Variants in LRRC37B observed in about 807,000 individuals in gnomAD.
LRRC37B encodes leucine-rich repeat-containing protein 37B.
LRRC37B carries 28 observed loss-of-function variants against 98.3 expected under a neutral mutation model. The ratio of observed to expected loss-of-function variants is 0.28; its 90% CI spans 0.21 to 0.39. The LOEUF (loss-of-function observed/expected upper bound fraction) is 0.39, where lower values mean the gene tolerates loss of function less well. Among genes scored for constraint, LRRC37B ranks in the 10% least tolerant of loss-of-function variants. The probability of loss-of-function intolerance (pLI) is 1.00; values close to 1 mark genes in which losing one functional copy is unlikely to be tolerated. For synonymous variants in LRRC37B, 364 were observed against 442.7 expected, an observed-to-expected ratio of 0.82 and a Z score of 2.23; for missense variants, 938 against 1,182.7, an observed-to-expected ratio of 0.79 and a Z score of 3.03.
intron 7 of LRRC37B, chr17:32,041,888 T>C (rs1221620559): frequency 4.4e-6 from 2 of 453,668 alleles, no homozygotes; most frequent in Admixed American, 4.8e-5. Flanking sequence ...ACCTCCGTCC[T>C]GACCCCATGG....
chr17:32,049,696 G>T (rs570457495), intron 10 of LRRC37B, among the ~76,000 whole-genome samples: 25 of 152,188 alleles, frequency 1.6e-4, no homozygotes, highest in African/African-American at 5.5e-4. Context: ...GTGAAACCCC[G>T]TCTTCACAAA....
chr17:32,015,935 A>G (rs1910640835), intron 1 of LRRC37B, among the ~76,000 whole-genome samples: 1 of 152,352 alleles, frequency 6.6e-6, no homozygotes, highest in Admixed American at 6.5e-5. Flanking sequence ...GTGACATTTG[A>G]GCCCGGCCTT....
At chr17:32,016,243 C>T (rs573008431), upstream of LRRC37B, among the ~76,000 whole-genome samples, 2 of 152,118 alleles carry the variant, frequency 1.3e-5, no homozygotes, top group Non-Finnish European at 2.9e-5. Flanking sequence ...TAATATAATT[C>T]CTCCATTAAG....
intron 6 of LRRC37B, among the ~76,000 whole-genome samples, 199 bp from the exon 10 acceptor site, chr17:32,035,366 T>C (rs543243146): frequency 2.6e-5 from 4 of 152,334 alleles, no homozygotes; most frequent in Non-Finnish European, 5.9e-5. Context: ...TTCTCTTAAA[T>C]ATCATTAATT....
upstream of LRRC37B, among the ~76,000 whole-genome samples, chr17:32,018,865 A>G (rs1567612715): frequency 6.6e-6 from 1 of 152,170 alleles, no homozygotes. Context: ...AATAGACCAC[A>G]TACATGATGG....
chr17:32,009,712 A>T (rs1910486105), intron 1 of LRRC37B, among the ~76,000 whole-genome samples: 1 of 152,026 alleles, frequency 6.6e-6, no homozygotes. Flanking sequence ...GGCTCACTGC[A>T]GTCTGTCATT....
intron 5 of LRRC37B, among the ~76,000 whole-genome samples, 180 bp downstream of exon 8, chr17:32,031,638 A>G (rs1473669204): frequency 6.6e-6 from 1 of 151,902 alleles, no homozygotes; most frequent in Non-Finnish European, 1.5e-5. Context: ...CACAGTTTAT[A>G]TATGACCTGC....
Position 32,022,571 on chromosome 17 carries a change from A to C in LRRC37B, c.1506A>C (p.Pro502=), listed in dbSNP as rs1208801010. The change falls in exon 1 of 12, where the codon CCA becomes CCC. Residue 502 remains proline, a synonymous_variant. Transcript: ENST00000327564. ...TGGAGAAGACTAGAGCTCCTCATCC[A>C]GACCAGGTTCAGACTCTGCATCGAA... 4 of 1,614,030 alleles carry C rather than the reference A, an allele frequency of 2.5e-6. No homozygotes were observed. In the South Asian group the frequency reaches 4.4e-5, roughly 18 times the overall value.
At chr17:32,026,996 T>C (rs1389924199) in intron 2 of LRRC37B, among the ~76,000 whole-genome samples, 1 of 152,160 alleles carries the variant, frequency 6.6e-6, no homozygotes, top group Non-Finnish European at 1.5e-5. Context: ...CTGAGACCAG[T>C]GTGGGTAACA....
intron 7 of LRRC37B, among the ~76,000 whole-genome samples, chr17:32,036,976 A>AT (rs71360793): frequency 0.35 from 17,896 of 51,732 alleles, 7,666 homozygotes; most frequent in East Asian, 0.56. Flanking sequence ...CATCTTCAGC[A>AT]TTTTTTTTTT....
At chr17:32,041,183 G>A (rs1453892254) in intron 7 of LRRC37B, 2 of 772,318 alleles carry the variant, frequency 2.6e-6, no homozygotes, top group African/African-American at 1.7e-5. Flanking sequence ...CCAAGCGGGA[G>A]TATAAGCCCA....
chr17:32,041,869 G>A (rs1911447845), intron 7 of LRRC37B: 1 of 457,800 alleles, frequency 2.2e-6, no homozygotes, highest in South Asian at 1.6e-5. Context: ...TTCCTCCAGG[G>A]CAGCCCCCAC....
exon 1 of LRRC37B, chr17:32,021,722 G>A: frequency 6.2e-7 from 1 of 1,614,236 alleles, no homozygotes; most frequent in Non-Finnish European, 8.5e-7. Flanking sequence ...CCAAGAACCT[G>A]AAGAAAGATC....
At chr17:32,019,204 G>A (rs969586841), upstream of LRRC37B, among the ~76,000 whole-genome samples, 19 of 152,350 alleles carry the variant, frequency 1.2e-4, no homozygotes, top group Admixed American at 9.8e-4. Context: ...TGGGATTACA[G>A]GTGCGAGCCG....
chr17:32,037,012 C>T (rs553597685), intron 7 of LRRC37B, among the ~76,000 whole-genome samples: 201 of 106,388 alleles, frequency 1.9e-3, no homozygotes, highest in African/African-American at 6.7e-3. Context: ...TTTTGCAACA[C>T]AGTCTTGCTC....
chr17:32,046,498 G>T (rs1193370517), intron 8 of LRRC37B, among the ~76,000 whole-genome samples: 2 of 152,004 alleles, frequency 1.3e-5, no homozygotes, highest in African/African-American at 4.8e-5. Flanking sequence ...GTGACTGCTT[G>T]AATACAGGTA....
chr17:32,034,272 G>A (rs111425443), intron 5 of LRRC37B, among the ~76,000 whole-genome samples: 1 of 151,862 alleles, frequency 6.6e-6, no homozygotes, highest in Non-Finnish European at 1.5e-5. Flanking sequence ...TAGGCCGAGG[G>A]GGGTGGATCA....
intron 10 of LRRC37B, among the ~76,000 whole-genome samples, 195 bp downstream of exon 13, chr17:32,049,589 G>A (rs2627108): frequency 5.0e-4 from 76 of 152,144 alleles, no homozygotes; most frequent in African/African-American, 1.5e-3. Flanking sequence ...ACTGTAGGCC[G>A]GGGGTGGTAG....
intron 9 of LRRC37B, 185 bp from the exon 13 acceptor site, chr17:32,048,917 T>C: frequency 1.4e-6 from 2 of 1,394,566 alleles, no homozygotes; most frequent in Non-Finnish European, 2.0e-6. Flanking sequence ...AAAAGAGATG[T>C]GTTCAAAGAC....
Sources: gnomAD v4.1 joint callset for allele counts (sites outside exome capture counted in the v4.1 genomes callset) on GRCh38, gnomAD v4.1.1 for gene constraint, MANE v1.5 for transcripts, NCBI Gene and HGNC (gene_info 2026-07-23, HGNC 2026-07-21) for gene names.